Variants in CLCN3 observed in about 807,000 individuals in gnomAD.
CLCN3 encodes the protein Cl-/H+ antiporter 3, also known as H(+)/Cl(-) exchange transporter 3.
A neutral mutation model predicts 83.4 loss-of-function variants in CLCN3; 16 were observed. The observed-to-expected ratio is 0.19, with a 90% CI of 0.13 to 0.29. CLCN3 has a LOEUF of 0.29. CLCN3 is among the 10% of genes least tolerant of loss of function. The pLI, the probability that CLCN3 is intolerant of heterozygous loss-of-function variation, is 1.00. For synonymous variants in CLCN3, 322 were observed against 346.2 expected (o/e 0.93, Z 0.78); for missense variants, 544 against 1,006.0 (o/e 0.54, Z 6.21).
At position 169,697,257 on chromosome 4, in the gene CLCN3, T is replaced by G. The variant is rs1280561011; in HGVS notation, c.1086T>G (p.Val362=). The change falls in exon 9 of 13, where the codon GTT becomes GTG. Residue 362 remains valine (V), a synonymous_variant. Coordinates refer to ENST00000513761, the MANE Select transcript of CLCN3 (RefSeq NM_001829.4). ...SFFAALVAAF[V]LRSINPFGNS... ...TTGCTGCTTTAGTGGCTGCATTTGT[T>G]TTGAGGTCCATCAATCCATTTGGTA... 6.2e-7 allele frequency: 1 copy of G among 1,613,484 alleles called. No homozygotes were observed. Among genetic ancestry groups the G allele is most frequent in the Non-Finnish European group, 8.5e-7 (1 of 1,179,890 alleles).
intron 2 of CLCN3, among the ~76,000 whole-genome samples, chr4:169,668,449 C>T (rs1477165900): frequency 6.6e-6 from 1 of 152,108 alleles, no homozygotes; most frequent in South Asian, 2.1e-4. Context: ...ATACAATACT[C>T]TAGTAGAAGT....
At chr4:169,709,292 CTGT>C (rs1733109646) in intron 11 of CLCN3, among the ~76,000 whole-genome samples, 1 of 151,598 alleles carries the variant, frequency 6.6e-6, no homozygotes, top group South Asian at 2.1e-4. Context: ...ATAGATTCTC[CTGT>C]TTCATACTAA....
intron 11 of CLCN3, among the ~76,000 whole-genome samples, chr4:169,711,957 C>T (rs537487270): frequency 4.6e-5 from 7 of 151,374 alleles, no homozygotes; most frequent in East Asian, 1.9e-4. Context: ...CCTGACCTTC[C>T]GGGCTCAAGT....
At chr4:169,707,409 G>A in intron 11 of CLCN3, 143 bp downstream of exon 11, 1 of 548,514 alleles carries the variant, frequency 1.8e-6, no homozygotes, top group Non-Finnish European at 3.1e-6. Flanking sequence ...TGTTCTTTAG[G>A]AAAGGAAGGT....
At chr4:169,713,318 C>T in intron 12 of CLCN3, 23 bp downstream of exon 12, 1 of 1,545,364 alleles carries the variant, frequency 6.5e-7, no homozygotes, top group Non-Finnish European at 8.9e-7. Context: ...CCACAGGAAT[C>T]AGTTCACTTG....
intron 9 of CLCN3, among the ~76,000 whole-genome samples, chr4:169,703,467 A>G (rs1332728337): frequency 6.6e-6 from 1 of 152,234 alleles, no homozygotes; most frequent in Non-Finnish European, 1.5e-5. Context: ...GAAGTAAAAG[A>G]CAGTGCTTAA....
At chr4:169,696,639 A>G (rs1389348456) in intron 8 of CLCN3, among the ~76,000 whole-genome samples, 1 of 152,078 alleles carries the variant, frequency 6.6e-6, no homozygotes, top group Non-Finnish European at 1.5e-5. Flanking sequence ...AGAACACCAG[A>G]ACTTATTCCT....
chr4:169,676,359 G>C (rs1194551280), intron 2 of CLCN3, among the ~76,000 whole-genome samples: 5 of 152,026 alleles, frequency 3.3e-5, no homozygotes, highest in Admixed American at 6.5e-5. Flanking sequence ...TTAATTCCTA[G>C]ACATAGAACC....
chr4:169,670,901 A>C (rs905074045), intron 2 of CLCN3, among the ~76,000 whole-genome samples: 2 of 152,210 alleles, frequency 1.3e-5, no homozygotes, highest in Non-Finnish European at 2.9e-5. Flanking sequence ...ATGAGATGTC[A>C]TCTCATGCCA....
At chr4:169,664,696 C>A (rs1731181158) in intron 2 of CLCN3, among the ~76,000 whole-genome samples, 1 of 152,160 alleles carries the variant, frequency 6.6e-6, no homozygotes, top group Non-Finnish European at 1.5e-5. Context: ...ATCTGAATTT[C>A]AAATCTTCAA....
intron 9 of CLCN3, among the ~76,000 whole-genome samples, chr4:169,701,970 G>A (rs1732800783): frequency 6.6e-6 from 1 of 152,062 alleles, no homozygotes. Flanking sequence ...TGAGGTGTTT[G>A]TTGCTTACCA....
intron 5 of CLCN3, 122 bp downstream of exon 5, chr4:169,689,352 C>G (rs1481329659): frequency 2.8e-6 from 2 of 726,592 alleles, no homozygotes. Context: ...GATCCACCCT[C>G]AACACATTGC....
intron 6 of CLCN3, 24 bp from the exon 7 acceptor site, chr4:169,692,090 G>A (rs1472550426): frequency 7.2e-7 from 1 of 1,388,686 alleles, no homozygotes; most frequent in Non-Finnish European, 1.0e-6. Context: ...AGGACATTAA[G>A]CTGCCTTAAT....
intron 11 of CLCN3, among the ~76,000 whole-genome samples, chr4:169,711,580 C>T (rs1027257122): frequency 2.6e-5 from 4 of 152,090 alleles, no homozygotes; most frequent in Non-Finnish European, 4.4e-5. Context: ...GAACTCCTGA[C>T]CTCAGTTGAT....
intron 10 of CLCN3, among the ~76,000 whole-genome samples, chr4:169,706,650 C>T (rs1032594454): frequency 1.3e-5 from 2 of 152,088 alleles, no homozygotes; most frequent in African/African-American, 4.8e-5. Context: ...TTTTAATAGT[C>T]TTCTCTGTTA....
At chr4:169,663,314 TTTGTTGTTGTTG>T (rs71590022) in intron 2 of CLCN3, among the ~76,000 whole-genome samples, 1 of 131,106 alleles carries the variant, frequency 7.6e-6, no homozygotes, top group Non-Finnish European at 1.6e-5. Flanking sequence ...AGTGGGTTTT[TTTGTTGTTGTTG>T]TTGTTGTTGT....
chr4:169,683,643 T>G (rs1255588687), intron 3 of CLCN3, among the ~76,000 whole-genome samples: 1 of 152,200 alleles, frequency 6.6e-6, no homozygotes, highest in Admixed American at 6.5e-5. Flanking sequence ...CCTAGACCAA[T>G]CAAATATTTT....
chr4:169,697,566 C>T lies in CLCN3; in HGVS notation c.1395C>T (p.Pro465=), dbSNP rs1732613737. The part of the protein sequence containing the change: ...LIKELFTDCG[P]LESSSLCDYR... ...AAGAGCTTTTTACAGACTGTGGTCC[C>T]CTGGAATCCTCTTCTCTTTGTGACT... The change falls in exon 9 of 13, where the codon CCC becomes CCT. Residue 465 remains proline (P), a synonymous_variant. Transcript: ENST00000513761. 2 of 1,614,184 alleles carry T rather than the reference C, an allele frequency of 1.2e-6. No individual in the cohort carries two copies. Among genetic ancestry groups the T allele is most frequent in the Non-Finnish European group, 8.5e-7 (1 of 1,180,026 alleles).
intron 11 of CLCN3, among the ~76,000 whole-genome samples, chr4:169,708,507 T>C (rs1733076780): frequency 6.6e-6 from 1 of 152,184 alleles, no homozygotes; most frequent in Non-Finnish European, 1.5e-5. Context: ...TTTAGTTTTT[T>C]AGCCATTACC....
Sources: gnomAD v4.1 joint callset for allele counts (sites outside exome capture counted in the v4.1 genomes callset) on GRCh38, gnomAD v4.1.1 for gene constraint, MANE v1.5 for transcripts, NCBI Gene and HGNC (gene_info 2026-07-23, HGNC 2026-07-21) for gene names.